KRT82: variants seen among roughly 807,000 people sequenced by gnomAD.
KRT82 encodes keratin 82.
In KRT82, 44 loss-of-function variants were observed where a neutral mutation model predicts 48.0. The observed-to-expected ratio is 0.92, with a 90% CI of 0.72 to 1.18. KRT82 has a LOEUF of 1.18. Ranked by LOEUF, KRT82 falls within the 50% of genes most tolerant of loss-of-function variation. The pLI is 0.00. For missense variants in KRT82, 701 were observed against 671.4 expected (o/e 1.04, Z -0.49); for synonymous variants, 297 against 278.3 (o/e 1.07, Z -0.67).
rs764966626 is a variant in KRT82, at chr12:52,403,813, C to T, written c.508G>A (p.Glu170Lys). 6.2e-6 allele frequency: 10 copies of T among 1,613,568 alleles called. No individual in the cohort carries two copies. Among genetic ancestry groups the T allele is most frequent in the South Asian group, 4.4e-5 (4 of 91,080 alleles). The change falls in exon 2 of 9, where the codon GAG becomes AAG. Residue 170 changes from glutamate (E) to lysine (K), a missense_variant. Glu to Lys is a moderately conservative substitution (Grantham distance 56). Coordinates refer to ENST00000257974, the MANE Select transcript of KRT82 (RefSeq NM_033033.4). ...CCQTNIEPIF[E>K]GYISALRRQL... ...CGCCGAAGGGCGCTGATATAGCCCT[C>T]GAAGATGGGCTCGATGTTGGTCTGG...
At chr12:52,397,314 A>G (rs1230289251) in intron 5 of KRT82, among the ~76,000 whole-genome samples, 2 of 152,138 alleles carry the variant, frequency 1.3e-5, no homozygotes, top group South Asian at 2.1e-4. Flanking sequence ...CCAGAGCCCA[A>G]GTTCACCTGA....
chr12:52,396,806 A>T, intron 6 of KRT82, 77 bp downstream of exon 6: 1 of 1,556,222 alleles, frequency 6.4e-7, no homozygotes, highest in Non-Finnish European at 8.8e-7. Flanking sequence ...GCAAGGATTG[A>T]ACCCGCCCTG....
chr12:52,394,771 C>T lies in KRT82; in HGVS notation c.*204G>A. On this transcript the variant is annotated 3_prime_UTR_variant, in exon 9 of 9. Transcript: ENST00000257974. ...CCATCTGGGCCTAGCTGAGGGTCTG[C>T]ACACAGGTGAGTGGAAGGTGACTCA... 1 of 603,710 alleles carries T rather than the reference C, an allele frequency of 1.7e-6. No individual in the cohort carries two copies. Among genetic ancestry groups the T allele is most frequent in the Non-Finnish European group, 3.0e-6 (1 of 337,990 alleles). 37.4% of individuals were successfully genotyped at this position (603,710 alleles called of 1,614,324 possible). A position where few individuals can be genotyped will look rare whatever the true frequency, so the allele number is the denominator to read the frequency against.
At chr12:52,399,338 C>A (rs1939756066) in intron 5 of KRT82, among the ~76,000 whole-genome samples, 2 of 152,244 alleles carry the variant, frequency 1.3e-5, no homozygotes, top group South Asian at 4.1e-4. Flanking sequence ...AGTGTCTGTT[C>A]TGTTCCCTGC....
intron 5 of KRT82, 95 bp from the exon 6 acceptor site, chr12:52,397,103 C>T (rs1432917049): frequency 3.2e-5 from 47 of 1,481,964 alleles, no homozygotes; most frequent in Non-Finnish European, 9.1e-7. Flanking sequence ...CCGTGACTTC[C>T]TAGTTCAGGT....
rs1298082082 is a variant in KRT82, at chr12:52,395,823, T to G, written c.1290-33A>C. 3.3e-6 allele frequency: 5 copies of G among 1,502,744 alleles called. No individual in the cohort carries two copies. The African/African-American group carries it at 7.0e-5, about 21-fold the overall frequency. 93.1% of individuals were successfully genotyped at this position (1,502,744 alleles called of 1,614,324 possible). On this transcript the variant is annotated intron_variant, in intron 7 of 8. Transcript: ENST00000257974. Reference sequence around the variant, plus strand: ...TGAGAGGAAAAAGAAAACAGGTATCTACATCAAACAGATGCAGGTAAATGC... The same window carrying G: ...TGAGAGGAAAAAGAAAACAGGTATCGACATCAAACAGATGCAGGTAAATGC...
Position 52,395,170 on chromosome 12 carries a change from G to A in KRT82, c.1347C>T (p.Phe449=), listed in dbSNP as rs1172897802. The A allele has an allele frequency of 3.5e-5, 56 of 1,613,818 alleles. No individual in the cohort carries two copies. Among genetic ancestry groups the A allele is most frequent in the Non-Finnish European group, 4.3e-5 (51 of 1,179,978 alleles). The part of the protein sequence containing the change: ...NISVSSSKGA[F]LYEPCGVSTP... ...TGCTGACCCCACATGGCTCGTACAG[G>A]AAGGCGCCTTTGGAGCTGCTCACTG... The change falls in exon 9 of 9, where the codon TTC becomes TTT. Residue 449 remains phenylalanine (F), a synonymous_variant. Coordinates refer to ENST00000257974, the MANE Select transcript of KRT82 (RefSeq NM_033033.4).
At chr12:52,400,664 C>A in intron 3 of KRT82, 42 bp from the exon 4 acceptor site, 1 of 1,420,216 alleles carries the variant, frequency 7.0e-7, no homozygotes, top group East Asian at 2.3e-5. Context: ...GCTGGGCCAC[C>A]TCCCAGGCAA....
At chr12:52,398,332 C>G (rs1333976075) in intron 5 of KRT82, among the ~76,000 whole-genome samples, 2 of 152,022 alleles carry the variant, frequency 1.3e-5, no homozygotes, top group Non-Finnish European at 2.9e-5. Flanking sequence ...ATGAGGCAAC[C>G]AAGAGGATGG....
intron 3 of KRT82, 86 bp from the exon 4 acceptor site, chr12:52,400,708 TTCCTCACGAACACCCATG>T (rs1939778454): frequency 1.1e-6 from 1 of 912,300 alleles, no homozygotes; most frequent in Non-Finnish European, 1.8e-6. Flanking sequence ...GGGCTCACCT[TTCCTCACGAACACCCATG>T]GGCATCGAAG....
At chr12:52,395,922 G>C (rs949533946) in intron 7 of KRT82, 90 bp downstream of exon 7, 3 of 1,559,074 alleles carry the variant, frequency 1.9e-6, no homozygotes, top group East Asian at 4.5e-5. Flanking sequence ...GGTAGGGGAC[G>C]GGGTGAGAGA....
intron 5 of KRT82, 39 bp from the exon 6 acceptor site, chr12:52,397,047 G>C: frequency 6.2e-7 from 1 of 1,608,634 alleles, no homozygotes; most frequent in Non-Finnish European, 8.5e-7. Flanking sequence ...GGCCCCACAA[G>C]ATGGCATCTC....
chr12:52,398,276 C>T (rs891203022), intron 5 of KRT82, among the ~76,000 whole-genome samples: 1 of 151,954 alleles, frequency 6.6e-6, no homozygotes, highest in Non-Finnish European at 1.5e-5. Context: ...TCCTTGCTGC[C>T]AGGCGTAAGC....
In KRT82 at chr12:52,396,762, G is replaced by A. The variant is rs373627704; in HGVS notation, c.1068+121C>T. ...GGCTTGCTTCTGCTTGAGCAAGGCA[G>A]CACAAGTTTATTCCCTCTTCAATGG... On this transcript the variant is annotated intron_variant, in intron 6 of 8. Transcript: ENST00000257974. The A allele has an allele frequency of 5.6e-5, 64 of 1,132,964 alleles. No individual in the cohort carries two copies. In the African/African-American group the frequency reaches 9.1e-4, roughly 16 times the overall value. 70.2% of individuals were successfully genotyped at this position (1,132,964 alleles called of 1,614,324 possible).
rs372756968 is a variant in KRT82, at chr12:52,396,066, C to T, written c.1235G>A (p.Gly412Asp). The T allele has an allele frequency of 1.9e-6, 3 of 1,614,062 alleles. No individual in the cohort carries two copies. The highest frequency in any genetic ancestry group is 2.5e-6 in the Non-Finnish European group (3 of 1,180,044). The part of the protein sequence containing the change: ...EYQEVMNSKL[G>D]LDIEIATYRR... ...GTAGGTGGCGATCTCGATGTCCAGGCCCAGCTTGGAGTTCATCACCTCCTG... is the reference window on the plus strand; with the variant it reads ...GTAGGTGGCGATCTCGATGTCCAGGTCCAGCTTGGAGTTCATCACCTCCTG... Residue 412 changes from glycine (G) to aspartate (D), a missense_variant, in exon 7 of 9, where the codon GGC becomes GAC. Gly to Asp is a moderately conservative substitution (Grantham distance 94). Coordinates refer to ENST00000257974, the MANE Select transcript of KRT82 (RefSeq NM_033033.4).
intron 5 of KRT82, 54 bp from the exon 6 acceptor site, chr12:52,397,062 C>T (rs142180485): frequency 6.9e-6 from 11 of 1,595,352 alleles, no homozygotes; most frequent in African/African-American, 2.7e-5. Context: ...CATCTCCTAG[C>T]CTCTTTTCTC....
rs369395089 is a variant in KRT82 at position 52,397,025 on chromosome 12, G to A, written c.943-17C>T. The A allele has an allele frequency of 1.2e-6, 2 of 1,612,812 alleles. No homozygotes were observed. The highest frequency in any genetic ancestry group is 1.7e-5 in the Admixed American group (1 of 59,982). On this transcript the variant is annotated splice_polypyrimidine_tract_variant and intron_variant, in intron 5 of 8. Coordinates refer to ENST00000257974, the MANE Select transcript of KRT82 (RefSeq NM_033033.4). ...CTCCTCATACTGCCAGGACAGAGAGGTCAGAGCCCCAGGCCCCACAAGATG... is the reference window on the plus strand; with the variant it reads ...CTCCTCATACTGCCAGGACAGAGAGATCAGAGCCCCAGGCCCCACAAGATG...
chr12:52,395,335 G>A (rs554695633), intron 8 of KRT82, 140 bp from the exon 9 acceptor site: 19 of 685,680 alleles, frequency 2.8e-5, no homozygotes, highest in Admixed American at 1.0e-4. Context: ...TCCAGCCTCC[G>A]CGTCTCCCAC....
intron 5 of KRT82, among the ~76,000 whole-genome samples, chr12:52,398,451 C>T (rs117855897): frequency 0.018 from 2,768 of 150,230 alleles, 35 homozygotes; most frequent in Non-Finnish European, 0.031. Flanking sequence ...CTTCAAGCTA[C>T]TTTAGAAAAA....
Sources: gnomAD v4.1 joint callset for allele counts (sites outside exome capture counted in the v4.1 genomes callset) on GRCh38, gnomAD v4.1.1 for gene constraint, MANE v1.5 for transcripts, NCBI Gene and HGNC (gene_info 2026-07-23, HGNC 2026-07-21) for gene names.